The following HYAL4 variants were observed in gnomAD, a reference collection of about 807,000 sequenced individuals.
The protein encoded by HYAL4 is hyaluronidase 4, also known as hyaluronidase-4.
In HYAL4, 37 loss-of-function variants were observed where a neutral mutation model predicts 35.2. The ratio of observed to expected loss-of-function variants is 1.05; its 90% confidence interval spans 0.81 to 1.38. The LOEUF is 1.38. HYAL4 is among the 40% of genes most tolerant of loss of function. HYAL4 has a pLI of 0.00. For synonymous variants in HYAL4, 198 were observed against 203.2 expected, an observed-to-expected ratio of 0.97 and a Z score of 0.22; for missense variants, 572 against 572.4, an observed-to-expected ratio of 1.00 and a Z score of 0.01.
chr7:123,765,215 T>G, the HYAL4 span, among the ~76,000 whole-genome samples: 1 of 151,924 alleles, frequency 6.6e-6, no homozygotes, highest in African/African-American at 2.4e-5. Flanking sequence ...AAAAAAATTG[T>G]CACTCTGAGG....
chr7:123,824,902 T>C (rs577828727), upstream of HYAL4, among the ~76,000 whole-genome samples: 3 of 152,010 alleles, frequency 2.0e-5, no homozygotes, highest in Non-Finnish European at 4.4e-5. Context: ...ATTTGCAGAG[T>C]GAATAAATAA....
chr7:123,811,835 T>C, the HYAL4 span, among the ~76,000 whole-genome samples: 1 of 151,858 alleles, frequency 6.6e-6, no homozygotes, highest in Non-Finnish European at 1.5e-5. Flanking sequence ...TTATACCTTT[T>C]TTGTTGTTGT....
At chr7:123,784,220 A>G in the HYAL4 span, among the ~76,000 whole-genome samples, 5 of 152,256 alleles carry the variant, frequency 3.3e-5, no homozygotes, top group East Asian at 1.9e-4. Context: ...AAGGTGTTAG[A>G]TAAGTGAGTT....
Position 123,868,825 on chromosome 7 carries a change from A to G in HYAL4, c.552A>G (p.Glu184=). 1.9e-6 allele frequency: 3 copies of G among 1,614,228 alleles called. No individual in the cohort carries two copies. The South Asian group carries it at 3.3e-5, about 18-fold the overall frequency. Residue 184 remains glutamate (E), a synonymous_variant, in exon 3 of 5, where the codon GAA becomes GAG. Transcript: ENST00000223026. Reference sequence around the variant, plus strand: ...AGAATGTATCAGCTACCGATATTGAATATTTAGCCAAAGTGACCTTTGAAG... The same window carrying G: ...AGAATGTATCAGCTACCGATATTGAGTATTTAGCCAAAGTGACCTTTGAAG... ...MGKNVSATDI[E]YLAKVTFEES...
chr7:123,859,307 G>C (rs1403651327), intron 2 of HYAL4, among the ~76,000 whole-genome samples: 2 of 152,068 alleles, frequency 1.3e-5, no homozygotes, highest in Admixed American at 6.5e-5. Context: ...ATCAGAGAAG[G>C]CCTATTACTG....
chr7:123,832,966 A>G (rs986679899), intron 1 of HYAL4, among the ~76,000 whole-genome samples: 1 of 152,130 alleles, frequency 6.6e-6, no homozygotes, highest in African/African-American at 2.4e-5. Flanking sequence ...TCCTTCATAT[A>G]TAAATACCAC....
At chr7:123,835,499 C>T (rs1379195124) in intron 1 of HYAL4, among the ~76,000 whole-genome samples, 2 of 152,022 alleles carry the variant, frequency 1.3e-5, no homozygotes, top group Admixed American at 6.6e-5. Context: ...TGCTAATGGT[C>T]TATCAATTTT....
chr7:123,781,959 T>A, the HYAL4 span, among the ~76,000 whole-genome samples: 1 of 152,158 alleles, frequency 6.6e-6, no homozygotes, highest in South Asian at 2.1e-4. Flanking sequence ...CAGGCTGGAG[T>A]GCAGTGGCAA....
intron 2 of HYAL4, among the ~76,000 whole-genome samples, chr7:123,862,376 A>C (rs1287783434): frequency 1.3e-5 from 2 of 152,182 alleles, no homozygotes; most frequent in Non-Finnish European, 2.9e-5. Context: ...AAAGGTTTTT[A>C]AAACAGAACC....
chr7:123,804,109 C>T, the HYAL4 span, among the ~76,000 whole-genome samples: 1 of 152,168 alleles, frequency 6.6e-6, no homozygotes, highest in Admixed American at 6.5e-5. Context: ...AGCTTTCTCC[C>T]CTCTCTAACA....
intron 1 of HYAL4, among the ~76,000 whole-genome samples, chr7:123,835,966 A>C (rs1402561795): frequency 6.6e-6 from 1 of 152,038 alleles, no homozygotes; most frequent in Non-Finnish European, 1.5e-5. Flanking sequence ...AATTTTCTTA[A>C]ATTTATTGAG....
At chr7:123,874,706 C>T in intron 3 of HYAL4, 55 bp from the exon 4 acceptor site, 1 of 1,114,420 alleles carries the variant, frequency 9.0e-7, no homozygotes, top group Non-Finnish European at 1.4e-6. Flanking sequence ...CGCCCAGCCC[C>T]TGGTGGATTG....
chr7:123,825,473 T>G (rs1805792135), upstream of HYAL4, among the ~76,000 whole-genome samples: 1 of 152,064 alleles, frequency 6.6e-6, no homozygotes. Context: ...GAGGAGGTAG[T>G]GAGATGGAGA....
the HYAL4 span, among the ~76,000 whole-genome samples, chr7:123,776,293 G>T: frequency 1.3e-5 from 2 of 152,170 alleles, no homozygotes; most frequent in Non-Finnish European, 2.9e-5. Context: ...GAAGCTTTAT[G>T]CATGGGAGCC....
intron 4 of HYAL4, among the ~76,000 whole-genome samples, chr7:123,875,718 G>T (rs1424247657): frequency 2.0e-5 from 3 of 150,888 alleles, no homozygotes; most frequent in Non-Finnish European, 2.9e-5. Flanking sequence ...TCTCAGCTGA[G>T]ATTTTTTTTT....
At chr7:123,785,944 AAAAC>A in the HYAL4 span, among the ~76,000 whole-genome samples, 1 of 61,602 alleles carries the variant, frequency 1.6e-5, no homozygotes, top group Non-Finnish European at 4.4e-5. The surrounding 1 kb of genome is among the most constrained non-coding windows in gnomAD (Gnocchi z 4.5). Flanking sequence ...TAGAAACAAG[AAAAC>A]AAAACAAAAC....
At chr7:123,850,576 CA>C (rs1438562287) in intron 2 of HYAL4, among the ~76,000 whole-genome samples, 1 of 152,170 alleles carries the variant, frequency 6.6e-6, no homozygotes. Context: ...GAATTTCTAA[CA>C]AGAACAACCT....
chr7:123,814,322 A>G, the HYAL4 span: 2 of 152,660 alleles, frequency 1.3e-5, no homozygotes, highest in Non-Finnish European at 2.9e-5. Context: ...AGTATTTAAC[A>G]TTATATCAAA....
chr7:123,877,137 T>C lies in HYAL4; in HGVS notation c.1428T>C (p.Tyr476=), dbSNP rs756650602. Residue 476 remains tyrosine (Y), a synonymous_variant, in exon 5 of 5, where the codon TAT becomes TAC. Coordinates refer to ENST00000223026, the MANE Select transcript of HYAL4 (RefSeq NM_012269.3). The part of the protein sequence containing the change: ...MTLCLLLLAS[Y]RSIQL ...TTTGTCTACTGCTTTTAGCAAGTTATCGAAGCATTCAGTTGTGAGATAATT... is the reference window on the plus strand; with the variant it reads ...TTTGTCTACTGCTTTTAGCAAGTTACCGAAGCATTCAGTTGTGAGATAATT... The C allele has an allele frequency of 1.3e-5, 21 of 1,613,662 alleles. No individual in the cohort carries two copies. The highest frequency in any genetic ancestry group is 1.8e-5 in the Non-Finnish European group (21 of 1,179,724).
Sources: allele counts gnomAD v4.1 joint callset (sites outside exome capture counted in the v4.1 genomes callset), GRCh38; gene constraint gnomAD v4.1.1; non-coding constraint Gnocchi (gnomAD v3.1); transcripts MANE v1.5; gene names NCBI Gene and HGNC (gene_info 2026-07-23, HGNC 2026-07-21).